SLC29A4: variants seen among roughly 807,000 people sequenced by gnomAD.
SLC29A4 encodes the protein equilibrative nucleoside transporter 4.
In SLC29A4, 36 loss-of-function variants were observed where a neutral mutation model predicts 43.9. The ratio of observed to expected loss-of-function variants is 0.82; its 90% CI spans 0.63 to 1.08. SLC29A4 has a LOEUF of 1.08. Ranked by LOEUF, SLC29A4 falls within the 50% of genes least tolerant of loss-of-function variation. SLC29A4 has a pLI of 0.00. For missense variants in SLC29A4, 869 were observed against 755.3 expected (o/e 1.15, Z -1.77); for synonymous variants, 491 against 338.0 (o/e 1.45, Z -4.97).
chr7:5,296,302 CGT>C, intron 6 of SLC29A4, among the ~76,000 whole-genome samples: 1 of 151,628 alleles, frequency 6.6e-6, no homozygotes, highest in East Asian at 2.0e-4. Flanking sequence ...ACCCTGCGCC[CGT>C]GTGTCATCGT....
chr7:5,287,909 C>A lies in SLC29A4; in HGVS notation c.93C>A (p.His31Gln), dbSNP rs542964211. 1 of 1,611,980 alleles carries A rather than the reference C, an allele frequency of 6.2e-7. No individual in the cohort carries two copies. The highest frequency in any genetic ancestry group is 8.5e-7 in the Non-Finnish European group (1 of 1,179,828). Residue 31 changes from histidine (H) to glutamine (Q), a missense_variant, in exon 2 of 11, where the codon CAC (histidine) becomes CAA (glutamine). Coordinates refer to ENST00000396872, the MANE Select transcript of SLC29A4 (RefSeq NM_153247.4). ...TGATGAGCTTCACCTTCGACAGTCACCAGCTGGAGGAGGCGGCGGAGGCGG... is the reference window on the plus strand; with the variant it reads ...TGATGAGCTTCACCTTCGACAGTCAACAGCTGGAGGAGGCGGCGGAGGCGG... ...GVVMSFTFDS[H>Q]QLEEAAEAAQ...
Position 5,294,999 on chromosome 7 carries a change from C to A in SLC29A4, c.619+65C>A, listed in dbSNP as rs1785556149. On this transcript the variant is annotated intron_variant, in intron 6 of 10. Transcript: ENST00000396872. ...TGCCCTGGGCTCTGGAAGCTTCTTC[C>A]CAGGGACTCCCCATGATGCTCCCCG... is the stretch of plus-strand genomic sequence containing the variant. 2.1e-6 allele frequency: 3 copies of A among 1,407,182 alleles called. No homozygotes were observed. In the South Asian group the frequency reaches 4.0e-5, roughly 19 times the overall value. The allele number at this position is 1,407,182 out of a possible 1,614,324, so 87.2% of individuals were successfully genotyped here.
At position 5,286,522 on chromosome 7, in the gene SLC29A4, C is replaced by CAAA. The variant is rs57020511; in HGVS notation, c.-8-1277_-8-1275dup. Among the ~76,000 whole-genome samples, 4 of 114,758 alleles carry CAAA rather than the reference C, an allele frequency of 3.5e-5. No homozygotes were observed. The East Asian group carries it at 7.5e-4, about 22-fold the overall frequency. 75.3% of individuals were successfully genotyped at this position (114,758 alleles called of 152,430 possible). On this transcript the variant is annotated intron_variant, in intron 1 of 10. Transcript: ENST00000396872. The stretch of plus-strand genomic sequence containing the variant: ...TGGGCGACAGAGCAAGACTCCATCT[C>CAAA]AAAAAAAAAAAAGAAAAAAGAAAAA...
In SLC29A4 at chr7:5,301,440, C is replaced by T. The variant is rs894388637; in HGVS notation, c.1450+778C>T. ...GAGGAGGTGACTTGTGAGCAAAGAC[C>T]TGGAGGAGGTAGCAAGGGAGATAGC... On this transcript the variant is annotated intron_variant, in intron 10 of 10. Transcript: ENST00000396872. 1.6e-4 allele frequency among the ~76,000 whole-genome samples: 24 copies of T among 151,960 alleles called. 2 individuals are homozygous for T. Among genetic ancestry groups the T allele is most frequent in the South Asian group, 4.2e-4 (2 of 4,812 alleles).
intron 1 of SLC29A4, among the ~76,000 whole-genome samples, chr7:5,284,455 A>G (rs1375341563): frequency 6.6e-6 from 1 of 152,202 alleles, no homozygotes; most frequent in Non-Finnish European, 1.5e-5. Context: ...CAAGGCCAAA[A>G]AAATGACCTG....
In SLC29A4 at chr7:5,287,789, C is replaced by G. The variant is rs554717558; in HGVS notation, c.-8-20C>G. The G allele has an allele frequency of 3.1e-6, 5 of 1,606,548 alleles. No individual in the cohort carries two copies. Among genetic ancestry groups the G allele is most frequent in the African/African-American group, 1.3e-5 (1 of 74,660 alleles). On this transcript the variant is annotated intron_variant, in intron 1 of 10. Coordinates refer to ENST00000396872, the MANE Select transcript of SLC29A4 (RefSeq NM_153247.4). ...TCAGCCTTCTTCCCTCACCTGCTCT[C>G]TCTGCTTTCTCCAAAGCAGAGGCTG... is the stretch of plus-strand genomic sequence containing the variant.
chr7:5,284,982 G>C (rs1004010897), intron 1 of SLC29A4, among the ~76,000 whole-genome samples: 25 of 152,226 alleles, frequency 1.6e-4, no homozygotes, highest in African/African-American at 6.0e-4. Flanking sequence ...TCTGGGTTCA[G>C]ATGTCCTCCT....
At chr7:5,295,220 G>A (rs1785568504) in intron 6 of SLC29A4, among the ~76,000 whole-genome samples, 1 of 152,072 alleles carries the variant, frequency 6.6e-6, no homozygotes, top group South Asian at 2.1e-4. Flanking sequence ...TGAGCATGTG[G>A]CTGGGTGTGT....
In SLC29A4 at chr7:5,297,018, C is replaced by T. The variant is rs960095603; in HGVS notation, c.702C>T (p.Phe234=). The T allele has an allele frequency of 1.6e-5, 25 of 1,606,012 alleles. No homozygotes were observed. Among genetic ancestry groups the T allele is most frequent in the African/African-American group, 4.0e-5 (3 of 74,830 alleles). The change falls in exon 7 of 11, where the codon TTC becomes TTT. Residue 234 remains phenylalanine (F), a synonymous_variant. Coordinates refer to ENST00000396872, the MANE Select transcript of SLC29A4 (RefSeq NM_153247.4). The part of the protein sequence containing the change: ...LPDERASTLI[F]FLVSVALELL... ...ACGAGCGCGCCAGCACGCTCATCTT[C>T]TTCCTGGTGTCGGTGGCGCTGGAGC...
At chr7:5,289,548 C>G (rs1785173200) in intron 2 of SLC29A4, among the ~76,000 whole-genome samples, 2 of 152,142 alleles carry the variant, frequency 1.3e-5, no homozygotes, top group South Asian at 4.1e-4. Context: ...CTGATTAGGT[C>G]AGACCCACCC....
In SLC29A4 at chr7:5,299,397, T is replaced by G. The variant is rs1160229451; in HGVS notation, c.1179T>G (p.Ala393=). ...AGTGGCTGCCCATCCTCATCATGGC[T>G]GTGTTCAACCTGTCAGACTTCGTGG... ...LGEWLPILIM[A]VFNLSDFVGK... The change falls in exon 9 of 11, where the codon GCT becomes GCG. Residue 393 remains alanine, a synonymous_variant. Transcript: ENST00000396872. 2.5e-6 allele frequency: 4 copies of G among 1,612,092 alleles called. No individual in the cohort carries two copies. Among genetic ancestry groups the G allele is most frequent in the Non-Finnish European group, 3.4e-6 (4 of 1,179,740 alleles).
intron 1 of SLC29A4, among the ~76,000 whole-genome samples, chr7:5,284,032 AC>A (rs79051188): frequency 0.032 from 2,290 of 72,234 alleles, 37 homozygotes; most frequent in South Asian, 0.096. Flanking sequence ...GAGCTGCACG[AC>A]CCCCCCCCCC....
intron 1 of SLC29A4, among the ~76,000 whole-genome samples, chr7:5,287,334 C>T (rs945679177): frequency 6.6e-6 from 1 of 151,876 alleles, no homozygotes; most frequent in East Asian, 1.9e-4. Context: ...AGGAGGATCC[C>T]TTGAGCCCAG....
chr7:5,283,626 C>T (rs1263934082), intron 1 of SLC29A4, among the ~76,000 whole-genome samples: 1 of 152,166 alleles, frequency 6.6e-6, no homozygotes, highest in African/African-American at 2.4e-5. Flanking sequence ...CCTGTGGCCC[C>T]TGCATGCATC....
At chr7:5,300,374 G>A (rs774920981) in intron 9 of SLC29A4, 48 bp from the exon 10 acceptor site, 1 of 1,607,786 alleles carries the variant, frequency 6.2e-7, no homozygotes, top group Non-Finnish European at 8.5e-7. Flanking sequence ...TGTGAGGCGA[G>A]TGGGGCTGTG....
At chr7:5,291,484 G>A (rs530866941) in intron 4 of SLC29A4, among the ~76,000 whole-genome samples, 10 of 152,334 alleles carry the variant, frequency 6.6e-5, no homozygotes, top group Admixed American at 4.6e-4. Context: ...TCCTCTGCAC[G>A]GCAACATCCA....
In SLC29A4 at chr7:5,299,300, C is replaced by T; in HGVS notation, c.1082C>T (p.Ala361Val). 3.1e-6 allele frequency: 5 copies of T among 1,612,030 alleles called. No homozygotes were observed. The highest frequency in any genetic ancestry group is 4.2e-6 in the Non-Finnish European group (5 of 1,179,884). ...RVIWADMLSI[A>V]VTYFITLCLF... ...ATCTGGGCCGACATGCTCTCCATCG[C>T]CGTGACCTACTTCATCACGCTGTGC... Residue 361 changes from alanine (A) to valine (V), a missense_variant, in exon 9 of 11, where the codon GCC becomes GTC. Transcript: ENST00000396872.
In SLC29A4 at chr7:5,305,756, C is replaced by A. The variant is rs1786453941; in HGVS notation, c.*2817C>A. ...GCTTTTAGTAGAGACGAGGTTTCTCCATGTTGGTCAGGCTGGTCTTGAACT... is the reference window on the plus strand; with the variant it reads ...GCTTTTAGTAGAGACGAGGTTTCTCAATGTTGGTCAGGCTGGTCTTGAACT... On this transcript the variant is annotated 3_prime_UTR_variant, in exon 11 of 11. Transcript: ENST00000396872. The A allele has an allele frequency of 6.6e-6, 1 of 151,756 alleles. No homozygotes were observed. Among genetic ancestry groups the A allele is most frequent in the African/African-American group, 2.4e-5 (1 of 41,280 alleles). 9.4% of individuals were successfully genotyped at this position (151,756 alleles called of 1,614,324 possible).
In SLC29A4 at chr7:5,299,407, C is replaced by T. The variant is rs1213338753; in HGVS notation, c.1189C>T (p.Leu397=). Residue 397 remains leucine, a synonymous_variant, in exon 9 of 11, where the codon CTG becomes TTG. Transcript: ENST00000396872. ...CATCCTCATCATGGCTGTGTTCAAC[C>T]TGTCAGACTTCGTGGGCAAGGTGGG... is the stretch of plus-strand genomic sequence containing the variant. The part of the protein sequence containing the change: ...LPILIMAVFN[L]SDFVGKILAA... 13 of 1,611,960 alleles carry T rather than the reference C, an allele frequency of 8.1e-6. No individual in the cohort carries two copies. The highest frequency in any genetic ancestry group is 1.1e-5 in the Non-Finnish European group (13 of 1,179,590).
Sources: gnomAD v4.1 joint callset for allele counts (sites outside exome capture counted in the v4.1 genomes callset) on GRCh38, gnomAD v4.1.1 for gene constraint, MANE v1.5 for transcripts, NCBI Gene and HGNC (gene_info 2026-07-23, HGNC 2026-07-21) for gene names.